Variants in GSE1 observed in about 807,000 individuals in gnomAD.
GSE1 encodes the protein Gse1 coiled-coil protein.
In GSE1, 32 loss-of-function variants were observed where a neutral mutation model predicts 112.6. The ratio of observed to expected loss-of-function variants is 0.28; its 90% CI spans 0.21 to 0.38. The LOEUF (loss-of-function observed/expected upper bound fraction) is 0.38. Ranked by LOEUF, GSE1 falls within the 10% of genes least tolerant of loss-of-function variation. The pLI is 1.00. For missense variants in GSE1, 2,348 were observed against 1,699.2 expected (o/e 1.38, Z -6.71); for synonymous variants, 1,115 against 735.6 (o/e 1.52, Z -8.35).
At chr16:85,614,445 G>T (rs1418606785) in intron 1 of GSE1, among the ~76,000 whole-genome samples, 1 of 152,194 alleles carries the variant, frequency 6.6e-6, no homozygotes, top group Non-Finnish European at 1.5e-5. Context: ...AGCGCCGGGT[G>T]GGGGACCAGG....
At chr16:85,206,959 G>T (rs980082274) in intron 1 of GSE1, among the ~76,000 whole-genome samples, 1 of 152,146 alleles carries the variant, frequency 6.6e-6, no homozygotes, top group Non-Finnish European at 1.5e-5. Context: ...ACTGTTTACA[G>T]CCTCCGGCGG....
At chr16:85,483,795 T>G (rs562880486) in intron 2 of GSE1, among the ~76,000 whole-genome samples, 2 of 152,374 alleles carry the variant, frequency 1.3e-5, no homozygotes, top group South Asian at 4.1e-4. Context: ...AAGGCTAGAC[T>G]TTAAATAAGG....
At chr16:85,475,298 T>G (rs2050417844) in intron 2 of GSE1, among the ~76,000 whole-genome samples, 1 of 152,210 alleles carries the variant, frequency 6.6e-6, no homozygotes, top group South Asian at 2.1e-4. Flanking sequence ...AGTGCGTCGC[T>G]GAATCTGTGA....
At chr16:85,627,374 G>C (rs1161469734) in intron 1 of GSE1, among the ~76,000 whole-genome samples, 2 of 152,020 alleles carry the variant, frequency 1.3e-5, no homozygotes, top group East Asian at 3.9e-4. Flanking sequence ...TTCTGAAAGG[G>C]TCCAGGGAGC....
At chr16:85,520,652 A>G (rs1029827145) in intron 2 of GSE1, among the ~76,000 whole-genome samples, 8 of 151,416 alleles carry the variant, frequency 5.3e-5, no homozygotes, top group Non-Finnish European at 1.2e-4. Context: ...TGAACTCCTA[A>G]CCTCAGGTAA....
At chr16:85,632,678 C>T (rs1189119761) in intron 1 of GSE1, among the ~76,000 whole-genome samples, 1 of 152,144 alleles carries the variant, frequency 6.6e-6, no homozygotes, top group Non-Finnish European at 1.5e-5. Flanking sequence ...CCTGGGGGCC[C>T]CCTTGCCCTT....
intron 2 of GSE1, among the ~76,000 whole-genome samples, chr16:85,445,411 G>C (rs2049484781): frequency 6.6e-6 from 1 of 152,216 alleles, no homozygotes; most frequent in African/African-American, 2.4e-5. Flanking sequence ...CCAGCCCTCA[G>C]AGTGCTCGCT....
chr16:85,236,222 C>G (rs1459037403), intron 1 of GSE1, among the ~76,000 whole-genome samples: 2 of 152,192 alleles, frequency 1.3e-5, no homozygotes, highest in South Asian at 2.1e-4. Flanking sequence ...GAGGGAGAAA[C>G]TGAGGCCCGG....
chr16:85,635,003 C>T (rs983764093), intron 2 of GSE1, among the ~76,000 whole-genome samples: 1 of 152,164 alleles, frequency 6.6e-6, no homozygotes, highest in African/African-American at 2.4e-5. Context: ...CATTCACCTC[C>T]AAGGCCCACG....
At chr16:85,307,908 G>A (rs993635245) in intron 1 of GSE1, among the ~76,000 whole-genome samples, 2 of 152,202 alleles carry the variant, frequency 1.3e-5, no homozygotes, top group East Asian at 3.8e-4. Flanking sequence ...TGTGAGTTCA[G>A]TTAATCCTTC....
intron 1 of GSE1, among the ~76,000 whole-genome samples, chr16:85,600,501 G>T (rs1355818676): frequency 6.6e-6 from 1 of 151,986 alleles, no homozygotes; most frequent in Non-Finnish European, 1.5e-5. Flanking sequence ...GGCAGTGGCT[G>T]GCTGTGGCTA....
chr16:85,547,337 A>T (rs2044735384), intron 2 of GSE1, among the ~76,000 whole-genome samples: 1 of 152,214 alleles, frequency 6.6e-6, no homozygotes, highest in Non-Finnish European at 1.5e-5. Flanking sequence ...TCCATGTGTC[A>T]GCGGGGCCAT....
chr16:85,493,609 C>T (rs1336448606), intron 2 of GSE1, among the ~76,000 whole-genome samples: 3 of 151,908 alleles, frequency 2.0e-5, no homozygotes, highest in East Asian at 1.9e-4. Context: ...CAAAATTAGC[C>T]GGGCGTGGTG....
At chr16:85,437,971 T>C (rs59420258) in intron 2 of GSE1, among the ~76,000 whole-genome samples, 2,677 of 152,274 alleles carry the variant, frequency 0.018, 48 homozygotes, top group East Asian at 0.1. Flanking sequence ...GTGTGGAAGG[T>C]GCATAAATAA....
At chr16:85,442,564 A>G (rs956765563) in intron 2 of GSE1, among the ~76,000 whole-genome samples, 1 of 152,216 alleles carries the variant, frequency 6.6e-6, no homozygotes, top group African/African-American at 2.4e-5. Flanking sequence ...CACAGCATCT[A>G]GGATCTGGCC....
chr16:85,391,630 C>T (rs1384622606), intron 2 of GSE1, among the ~76,000 whole-genome samples: 1 of 152,192 alleles, frequency 6.6e-6, no homozygotes, highest in African/African-American at 2.4e-5. Context: ...GGACGCAGGT[C>T]GTAATTTAAT....
chr16:85,503,370 C>T (rs1441043519), intron 2 of GSE1, among the ~76,000 whole-genome samples: 1 of 152,212 alleles, frequency 6.6e-6, no homozygotes, highest in Non-Finnish European at 1.5e-5. Context: ...CCAGCCTCCA[C>T]CTGCCCTCAG....
intron 5 of GSE1, 135 bp downstream of exon 5, chr16:85,655,126 G>C (rs1270361999): frequency 1.5e-6 from 1 of 669,442 alleles, no homozygotes; most frequent in African/African-American, 1.8e-5. Flanking sequence ...CCCTGAAATC[G>C]TCCCCAGCTT....
At chr16:85,612,549 G>A (rs2048061774), upstream of GSE1, among the ~76,000 whole-genome samples, 2 of 152,022 alleles carry the variant, frequency 1.3e-5, no homozygotes, top group South Asian at 2.1e-4. Context: ...CCCCTGGGCC[G>A]CGGGTTCTTT....
Sources: allele counts gnomAD v4.1 joint callset (sites outside exome capture counted in the v4.1 genomes callset), GRCh38; gene constraint gnomAD v4.1.1; transcripts MANE v1.5; gene names NCBI Gene and HGNC (gene_info 2026-07-23, HGNC 2026-07-21).